Variants in BTN2A1 observed in about 807,000 individuals in gnomAD.
BTN2A1 encodes the protein butyrophilin subfamily 2 member A1.
Under a neutral mutation model 34.5 loss-of-function variants are expected in BTN2A1, and 41 were observed. The observed-to-expected ratio is 1.19, with a 90% confidence interval of 0.93 to 1.54. BTN2A1 has a LOEUF of 1.54. Among genes scored for constraint, BTN2A1 ranks in the 40% most tolerant of loss-of-function variants. The probability of loss-of-function intolerance (pLI) is 0.00; values close to 1 mark genes in which losing one functional copy is unlikely to be tolerated. For missense variants in BTN2A1, 642 were observed against 662.0 expected (o/e 0.97, Z 0.33); for synonymous variants, 267 against 258.6 (o/e 1.03, Z -0.31).
intron 3 of BTN2A1, among the ~76,000 whole-genome samples, chr6:26,461,951 A>G (rs6941966): frequency 0.94 from 143,733 of 152,122 alleles, 67,983 homozygotes; most frequent in African/African-American, 0.99. Flanking sequence ...ACCCTCAGAA[A>G]TCGAGGATGC....
Position 26,459,475 on chromosome 6 carries a change from G to A in BTN2A1, c.83-6G>A. 1 of 1,612,458 alleles carries A rather than the reference G, an allele frequency of 6.2e-7. No individual in the cohort carries two copies. The highest frequency in any genetic ancestry group is 8.5e-7 in the Non-Finnish European group (1 of 1,178,702). On this transcript the variant is annotated splice_polypyrimidine_tract_variant and splice_region_variant and intron_variant, in intron 2 of 7. Coordinates refer to ENST00000312541, the MANE Select transcript of BTN2A1 (RefSeq NM_007049.5). ...CTTTGTCTGACTCTACCCCTTTGTT[G>A]AACAGCCCAGTTTATTGTCGTGGGG...
chr6:26,464,941 C>T (rs568863330), intron 4 of BTN2A1, among the ~76,000 whole-genome samples: 5 of 152,246 alleles, frequency 3.3e-5, no homozygotes, highest in African/African-American at 4.8e-5. Flanking sequence ...CTCAGCATGA[C>T]GGGTTAGCTT....
intron 3 of BTN2A1, 100 bp downstream of exon 3, chr6:26,459,928 C>G: frequency 2.7e-6 from 1 of 365,550 alleles, no homozygotes; most frequent in Non-Finnish European, 4.4e-6. Flanking sequence ...AAATTTTTGT[C>G]TGGACTCCCT....
At chr6:26,476,043 T>C (rs1326818154) in intron 7 of BTN2A1, 14 of 1,139,494 alleles carry the variant, frequency 1.2e-5, no homozygotes, top group Non-Finnish European at 1.8e-5. Flanking sequence ...TTTTTTTTAG[T>C]GTAGTGATTT....
At chr6:26,466,237 T>A (rs1405149184) in intron 7 of BTN2A1, 149 bp downstream of exon 7, 3 of 1,205,068 alleles carry the variant, frequency 2.5e-6, no homozygotes, top group Non-Finnish European at 3.7e-6. Flanking sequence ...CCAGCAATGA[T>A]GCATCATGTC....
intron 4 of BTN2A1, 34 bp downstream of exon 4, chr6:26,463,559 C>A: frequency 6.3e-7 from 1 of 1,592,568 alleles, no homozygotes. Flanking sequence ...TCGTCGAGTG[C>A]ATGGGGGATC....
intron 5 of BTN2A1, 126 bp downstream of exon 5, chr6:26,465,532 T>G (rs1208072735): frequency 3.4e-6 from 3 of 891,338 alleles, no homozygotes; most frequent in South Asian, 3.5e-5. Context: ...CCCTGTTTAA[T>G]TAAAAAAAAA....
intron 3 of BTN2A1, chr6:26,462,838 G>A (rs1414609061): frequency 7.8e-7 from 1 of 1,282,120 alleles, no homozygotes; most frequent in East Asian, 5.6e-5. Context: ...CGTCCCAGAA[G>A]CAGAAAGTGA....
chr6:26,476,190 G>A (rs1488129201), exon 8 of BTN2A1: 1 of 1,534,536 alleles, frequency 6.5e-7, no homozygotes, highest in East Asian at 2.4e-5. Flanking sequence ...TGGCAGCCTG[G>A]TTTGAAAATC....
At position 26,468,326 on chromosome 6, in the gene BTN2A1, T is replaced by C. The variant is rs1581676799; in HGVS notation, c.1361T>C (p.Leu454Pro). ...KESLCRVGVF[L>P]DYEAGDVSFY... ...TCCCTTTGCCGGGTGGGCGTCTTCC[T>C]GGACTATGAAGCTGGAGATGTCTCC... The change falls in exon 8 of 8, where the codon CTG (leucine) becomes CCG (proline). Residue 454 changes from leucine (L) to proline (P), a missense_variant. Transcript: ENST00000312541. The C allele has an allele frequency of 6.2e-7, 1 of 1,614,200 alleles. No individual in the cohort carries two copies. Among genetic ancestry groups the C allele is most frequent in the Admixed American group, 1.7e-5 (1 of 60,030 alleles).
intron 7 of BTN2A1, chr6:26,476,087 G>C: frequency 6.6e-6 from 10 of 1,512,846 alleles, no homozygotes; most frequent in Non-Finnish European, 8.9e-6. Flanking sequence ...ACCCATGAAC[G>C]CCTCCCTTCT....
At chr6:26,466,242 C>T (rs1393908903) in intron 7 of BTN2A1, among the ~76,000 whole-genome samples, 154 bp downstream of exon 7, 4 of 152,170 alleles carry the variant, frequency 2.6e-5, no homozygotes, top group Non-Finnish European at 5.9e-5. Flanking sequence ...AATGATGCAT[C>T]ATGTCTCTTC....
In BTN2A1 at chr6:26,459,547, G is replaced by A. The variant is rs187108523; in HGVS notation, c.149G>A (p.Arg50His). ...ACGGTTGGAGAAAACACTACGTTAC[G>A]CTGCCATCTGTCACCCGAGAAAAAT... Reference protein sequence around the residue: ...LATVGENTTLRCHLSPEKNAE... With the variant: ...LATVGENTTLHCHLSPEKNAE... Residue 50 changes from arginine (R) to histidine (H), a missense_variant, in exon 3 of 8, where the codon CGC becomes CAC. Coordinates refer to ENST00000312541, the MANE Select transcript of BTN2A1 (RefSeq NM_007049.5). 3.1e-6 allele frequency: 5 copies of A among 1,614,030 alleles called. No homozygotes were observed. The highest frequency in any genetic ancestry group is 2.2e-5 in the East Asian group (1 of 44,882).
At chr6:26,470,274 G>A (rs371714430), downstream of BTN2A1, among the ~76,000 whole-genome samples, 2 of 152,136 alleles carry the variant, frequency 1.3e-5, no homozygotes, top group Non-Finnish European at 2.9e-5. Flanking sequence ...GAACCCCAGT[G>A]GGGTGGAGGT....
In BTN2A1 at chr6:26,463,345, TGGAGGGAC is replaced by T. The variant is rs1763218298; in HGVS notation, c.533_540del (p.Trp178SerfsTer16). 1 of 1,613,888 alleles carries T rather than the reference TGGAGGGAC, an allele frequency of 6.2e-7. No homozygotes were observed. The highest frequency in any genetic ancestry group is 8.5e-7 in the Non-Finnish European group (1 of 1,179,988). Reference sequence around the variant, plus strand: ...GTGGTACCCAAAGCCCCTCACAGTGTGGAGGGACCCCTACGGTGGGGTTGCGCCTGCCC... The same window carrying T: ...GTGGTACCCAAAGCCCCTCACAGTGTCCCTACGGTGGGGTTGCGCCTGCCC... On this transcript the variant is annotated frameshift_variant, in exon 4 of 8. Transcript: ENST00000312541. LOFTEE classifies it high-confidence loss of function.
intron 3 of BTN2A1, chr6:26,462,740 G>C: frequency 2.5e-6 from 3 of 1,176,622 alleles, no homozygotes; most frequent in Non-Finnish European, 2.3e-6. Flanking sequence ...TGGATCAAAA[G>C]GTTTCTTAGG....
Position 26,463,299 on chromosome 6 carries a change from GC to G in BTN2A1, c.487del (p.Leu163TrpfsTer27). On this transcript the variant is annotated frameshift_variant, in exon 4 of 8. Coordinates refer to ENST00000312541, the MANE Select transcript of BTN2A1 (RefSeq NM_007049.5). LOFTEE classifies it high-confidence loss of function. ...MRGHEDGGIR[L>X]ECISRGWYPK... is the part of the protein sequence containing the mutation. ...GGGGCCATGAAGACGGGGGCATCCG[GC>G]TGGAGTGCATATCTAGAGGGTGGTA... 1 of 1,613,876 alleles carries G rather than the reference GC, an allele frequency of 6.2e-7. No homozygotes were observed. The highest frequency in any genetic ancestry group is 8.5e-7 in the Non-Finnish European group (1 of 1,179,882).
At chr6:26,465,149 T>G (rs1261271234) in intron 4 of BTN2A1, 36 bp from the exon 5 acceptor site, 1 of 1,585,610 alleles carries the variant, frequency 6.3e-7, no homozygotes, top group Non-Finnish European at 8.7e-7. Flanking sequence ...GATGTTCTGT[T>G]TCAAACTAAG....
At chr6:26,465,100 G>C in intron 4 of BTN2A1, 85 bp from the exon 5 acceptor site, 1 of 1,113,164 alleles carries the variant, frequency 9.0e-7, no homozygotes, top group Non-Finnish European at 1.3e-6. Context: ...GGTGGCTGAG[G>C]AGCTCTTCAA....
Sources: gnomAD v4.1 joint callset for allele counts (sites outside exome capture counted in the v4.1 genomes callset) on GRCh38, gnomAD v4.1.1 for gene constraint, MANE v1.5 for transcripts, NCBI Gene and HGNC (gene_info 2026-07-23, HGNC 2026-07-21) for gene names.